The following CHRM2 variants were observed in gnomAD, a reference collection of about 807,000 sequenced individuals.
The protein encoded by CHRM2 is muscarinic acetylcholine receptor M2.
CHRM2 carries 8 observed loss-of-function variants against 25.0 expected under a neutral mutation model. That is an observed-to-expected ratio of 0.32 (90% CI 0.19 to 0.58). CHRM2 has a LOEUF of 0.58. CHRM2 is among the 20% of genes least tolerant of loss of function. CHRM2 has a pLI of 0.88. For synonymous variants in CHRM2, 202 were observed against 205.7 expected (o/e 0.98, Z 0.15); for missense variants, 440 against 567.1 (o/e 0.78, Z 2.28).
At chr7:137,005,740 G>C (rs1357142294) in intron 3 of CHRM2, among the ~76,000 whole-genome samples, 1 of 151,960 alleles carries the variant, frequency 6.6e-6, no homozygotes, top group Non-Finnish European at 1.5e-5. Context: ...TTTTATTCTA[G>C]AATTTTCTAT....
intron 2 of CHRM2, among the ~76,000 whole-genome samples, chr7:136,943,885 G>C (rs1214659920): frequency 6.6e-6 from 1 of 152,086 alleles, no homozygotes; most frequent in African/African-American, 2.4e-5. Context: ...ACTTCTTTCA[G>C]AGAGTTTAAT....
intron 2 of CHRM2, among the ~76,000 whole-genome samples, chr7:136,963,043 A>C (rs1801196710): frequency 6.6e-6 from 1 of 152,328 alleles, no homozygotes; most frequent in South Asian, 2.1e-4. Flanking sequence ...AATACAAATC[A>C]AATTTAATGA....
At chr7:136,896,927 T>C (rs2130590757) in intron 2 of CHRM2, among the ~76,000 whole-genome samples, 1 of 152,212 alleles carries the variant, frequency 6.6e-6, no homozygotes, top group East Asian at 1.9e-4. Context: ...AAAATGACAC[T>C]GCTTGAAGTA....
At chr7:136,984,311 G>T (rs1181990307) in intron 2 of CHRM2, among the ~76,000 whole-genome samples, 1 of 152,162 alleles carries the variant, frequency 6.6e-6, no homozygotes, top group Non-Finnish European at 1.5e-5. Context: ...GAGCATCCCA[G>T]GTGGACTTCA....
intron 2 of CHRM2, among the ~76,000 whole-genome samples, chr7:136,984,374 G>T (rs1455958349): frequency 6.6e-6 from 1 of 152,108 alleles, no homozygotes; most frequent in Admixed American, 6.5e-5. Context: ...AGCTTGCTGG[G>T]CTCCGTGGGT....
intron 3 of CHRM2, among the ~76,000 whole-genome samples, chr7:137,003,473 T>TAC (rs57626583): frequency 7.3e-6 from 1 of 136,822 alleles, no homozygotes; most frequent in Non-Finnish European, 1.6e-5. Context: ...CATGCATGCA[T>TAC]ACACACACAC....
chr7:136,906,347 CAT>C (rs1797549184), intron 2 of CHRM2, among the ~76,000 whole-genome samples: 1 of 150,396 alleles, frequency 6.6e-6, no homozygotes, highest in African/African-American at 2.4e-5. Flanking sequence ...TATATATATG[CAT>C]ATGTTATACA....
At chr7:136,886,688 A>G (rs1796477969) in intron 2 of CHRM2, among the ~76,000 whole-genome samples, 1 of 151,976 alleles carries the variant, frequency 6.6e-6, no homozygotes, top group South Asian at 2.1e-4. Flanking sequence ...GCAACATAGG[A>G]AAACTCTTCT....
intron 2 of CHRM2, among the ~76,000 whole-genome samples, chr7:136,949,517 A>C (rs1189998470): frequency 6.7e-6 from 1 of 150,210 alleles, no homozygotes; most frequent in South Asian, 2.1e-4. Context: ...AGTCCTAGCT[A>C]CTTTGGAGGC....
intron 2 of CHRM2, among the ~76,000 whole-genome samples, chr7:136,894,333 G>A (rs1000565343): frequency 2.0e-5 from 3 of 152,008 alleles, no homozygotes; most frequent in African/African-American, 2.4e-5. Context: ...AAGAAAATAT[G>A]GCAAATTGTC....
chr7:136,876,138 C>T (rs1796043582), intron 2 of CHRM2, among the ~76,000 whole-genome samples: 1 of 152,132 alleles, frequency 6.6e-6, no homozygotes, highest in Non-Finnish European at 1.5e-5. Flanking sequence ...TATACCTAAT[C>T]AATATAATAA....
chr7:136,908,764 T>C (rs1435369540), intron 2 of CHRM2, among the ~76,000 whole-genome samples: 1 of 151,848 alleles, frequency 6.6e-6, no homozygotes, highest in African/African-American at 2.4e-5. Context: ...TTGATGAGTA[T>C]CCTGCAAAAG....
intron 2 of CHRM2, among the ~76,000 whole-genome samples, chr7:136,915,518 A>C (rs1232456159): frequency 1.3e-5 from 2 of 151,896 alleles, no homozygotes; most frequent in Non-Finnish European, 2.9e-5. Context: ...ATTATTAAGA[A>C]ATCAAGAATT....
rs1805084632 is a variant in CHRM2, at chr7:137,015,105, C to T, written c.240C>T (p.Tyr80=). The T allele has an allele frequency of 4.3e-6, 7 of 1,613,392 alleles. No individual in the cohort carries two copies. Among genetic ancestry groups the T allele is most frequent in the Non-Finnish European group, 5.9e-6 (7 of 1,179,644 alleles). Residue 80 remains tyrosine, a synonymous_variant, in exon 4 of 4, where the codon TAC becomes TAT. Transcript: ENST00000680005. This position sits in a 1 kb window ranked among gnomAD's most constrained non-coding sequence, Gnocchi z 5.1. The part of the protein sequence containing the change: ...LIIGVFSMNL[Y]TLYTVIGYWP... ...TAGGTGTTTTCTCCATGAACTTGTA[C>T]ACCCTCTACACTGTGATTGGTTACT...
intron 2 of CHRM2, among the ~76,000 whole-genome samples, chr7:136,900,475 T>C (rs1797135837): frequency 6.6e-6 from 1 of 152,038 alleles, no homozygotes; most frequent in Non-Finnish European, 1.5e-5. Flanking sequence ...ATGGATTTGA[T>C]CACAGGCTTA....
intron 2 of CHRM2, among the ~76,000 whole-genome samples, chr7:136,977,896 C>G (rs1284686421): frequency 6.6e-6 from 1 of 152,146 alleles, no homozygotes; most frequent in Non-Finnish European, 1.5e-5. Flanking sequence ...TTTAATCCAT[C>G]TCAAGTTAAT....
At chr7:136,885,428 A>G (rs547513833) in intron 2 of CHRM2, among the ~76,000 whole-genome samples, 1 of 152,326 alleles carries the variant, frequency 6.6e-6, no homozygotes, top group African/African-American at 2.4e-5. Context: ...AAAACTGAGA[A>G]ATATCCATCA....
chr7:137,005,903 A>C (rs1188830555), intron 3 of CHRM2, among the ~76,000 whole-genome samples: 1 of 152,266 alleles, frequency 6.6e-6, no homozygotes, highest in Middle Eastern at 3.4e-3. Context: ...ACAAATTTCC[A>C]GTTTCTCAAG....
intron 2 of CHRM2, among the ~76,000 whole-genome samples, chr7:136,970,879 AT>A (rs1563098453): frequency 6.6e-6 from 1 of 152,114 alleles, no homozygotes; most frequent in East Asian, 1.9e-4. Flanking sequence ...TAAGATCACC[AT>A]TTTTCCTTCA....
Sources: allele counts gnomAD v4.1 joint callset (sites outside exome capture counted in the v4.1 genomes callset), GRCh38; gene constraint gnomAD v4.1.1; non-coding constraint Gnocchi (gnomAD v3.1); transcripts MANE v1.5; gene names NCBI Gene and HGNC (gene_info 2026-07-23, HGNC 2026-07-21).